Variants in FHIT observed in about 807,000 individuals in gnomAD.
FHIT encodes the protein fragile histidine triad diadenosine triphosphatase.
A neutral mutation model predicts 17.9 loss-of-function variants in FHIT; 19 were observed. That is an observed-to-expected ratio of 1.06 (90% CI 0.74 to 1.56). The LOEUF (loss-of-function observed/expected upper bound fraction) is 1.56, where lower values mean the gene tolerates loss of function less well. Among genes scored for constraint, FHIT ranks in the 40% most tolerant of loss-of-function variants. The probability of loss-of-function intolerance (pLI) is 0.00; values close to 1 mark genes in which losing one functional copy is unlikely to be tolerated. For synonymous variants in FHIT, 81 were observed against 69.7 expected (o/e 1.16, Z -0.81); for missense variants, 248 against 189.2 (o/e 1.31, Z -1.82).
At chr3:59,948,835 GT>G (rs113121652) in intron 7 of FHIT, among the ~76,000 whole-genome samples, 308 of 148,044 alleles carry the variant, frequency 2.1e-3, no homozygotes, top group African/African-American at 7.0e-3. Context: ...CTATCATAAA[GT>G]TTTTTTTTTC....
chr3:60,369,303 G>C (rs981317596), intron 5 of FHIT, among the ~76,000 whole-genome samples: 1 of 152,010 alleles, frequency 6.6e-6, no homozygotes, highest in African/African-American at 2.4e-5. Flanking sequence ...ATTTCTATTT[G>C]ATTTTTATAG....
At chr3:60,627,856 G>C (rs2039333965) in intron 4 of FHIT, among the ~76,000 whole-genome samples, 1 of 152,138 alleles carries the variant, frequency 6.6e-6, no homozygotes, top group Admixed American at 6.5e-5. Context: ...TTAATAATTT[G>C]AGTCTTCTTT....
intron 5 of FHIT, among the ~76,000 whole-genome samples, chr3:60,284,084 G>T (rs899618741): frequency 6.6e-6 from 1 of 151,966 alleles, no homozygotes; most frequent in Non-Finnish European, 1.5e-5. Context: ...AAAAAGATAG[G>T]TTTAGTAGAA....
intron 4 of FHIT, among the ~76,000 whole-genome samples, chr3:60,559,276 C>A (rs1576877425): frequency 6.6e-6 from 1 of 152,146 alleles, no homozygotes; most frequent in South Asian, 2.1e-4. Context: ...TAGAGGCATG[C>A]ATTTCTATAA....
At chr3:60,842,641 A>G (rs1385414861) in intron 3 of FHIT, among the ~76,000 whole-genome samples, 1 of 47,214 alleles carries the variant, frequency 2.1e-5, no homozygotes, top group Non-Finnish European at 4.8e-5. Flanking sequence ...ATATATATAT[A>G]TATATTTTTT....
chr3:60,022,870 T>C (rs961822159), intron 5 of FHIT, among the ~76,000 whole-genome samples: 31 of 152,208 alleles, frequency 2.0e-4, no homozygotes, highest in Non-Finnish European at 2.9e-5. Context: ...TAGAAGTCAT[T>C]TCTGGGACTT....
chr3:60,544,343 G>T (rs1244154958), intron 4 of FHIT, among the ~76,000 whole-genome samples: 2 of 151,452 alleles, frequency 1.3e-5, no homozygotes, highest in Non-Finnish European at 1.5e-5. Context: ...GTTTTCTAAG[G>T]GTTGATACCT....
chr3:60,872,228 A>C (rs868990640), intron 3 of FHIT, among the ~76,000 whole-genome samples: 1 of 152,136 alleles, frequency 6.6e-6, no homozygotes, highest in African/African-American at 2.4e-5. Flanking sequence ...TTCTTTTGAT[A>C]TCTCATGAGC....
chr3:59,861,268 G>A (rs944020327), intron 8 of FHIT, among the ~76,000 whole-genome samples: 3 of 152,132 alleles, frequency 2.0e-5, no homozygotes, highest in African/African-American at 7.2e-5. Flanking sequence ...TGAGGGTGAG[G>A]AAGATTGAGA....
Position 60,484,108 on chromosome 3 carries a change from A to G in FHIT, c.103+52752T>C, listed in dbSNP as rs550529336. 2.1e-3 allele frequency among the ~76,000 whole-genome samples: 322 copies of G among 152,102 alleles called. 2 individuals carry two copies. Among genetic ancestry groups the G allele is most frequent in the African/African-American group, 7.5e-3 (312 of 41,516 alleles). On this transcript the variant is annotated intron_variant, in intron 5 of 9. Coordinates refer to ENST00000492590, the MANE Select transcript of FHIT (RefSeq NM_002012.4). ...TACAAAGAGAATAAATACCTAGGAA[A>G]ACAGCTAACAGGGGATGTGAAGGAC...
chr3:59,920,988 A>T (rs186675704), intron 8 of FHIT, among the ~76,000 whole-genome samples: 1 of 152,162 alleles, frequency 6.6e-6, no homozygotes, highest in African/African-American at 2.4e-5. Flanking sequence ...AATCTACTTG[A>T]TCAGAATCTC....
At chr3:60,356,217 C>T (rs894758976) in intron 5 of FHIT, among the ~76,000 whole-genome samples, 8 of 152,172 alleles carry the variant, frequency 5.3e-5, no homozygotes, top group Non-Finnish European at 7.4e-5. Flanking sequence ...TATAACAACG[C>T]TGCAAAAGTA....
intron 4 of FHIT, among the ~76,000 whole-genome samples, chr3:60,695,640 C>T (rs1174021204): frequency 1.3e-5 from 2 of 152,126 alleles, no homozygotes; most frequent in African/African-American, 4.8e-5. Flanking sequence ...AAGCTTGTAG[C>T]AGAGTGCCTA....
intron 5 of FHIT, among the ~76,000 whole-genome samples, chr3:60,492,933 G>C (rs553106428): frequency 2.6e-4 from 39 of 152,252 alleles, no homozygotes; most frequent in African/African-American, 9.4e-4. Context: ...CTATGTGCCA[G>C]TTAATCTTTA....
At chr3:61,050,742 T>C (rs2033994272) in intron 2 of FHIT, among the ~76,000 whole-genome samples, 1 of 152,242 alleles carries the variant, frequency 6.6e-6, no homozygotes, top group Non-Finnish European at 1.5e-5. Context: ...TTCATTATGC[T>C]ATTAGTTCTA....
intron 4 of FHIT, among the ~76,000 whole-genome samples, chr3:60,582,087 C>G (rs1321208583): frequency 6.6e-6 from 1 of 151,988 alleles, no homozygotes; most frequent in Non-Finnish European, 1.5e-5. Context: ...TGGCTGGAGG[C>G]TGCACTTTGG....
At chr3:60,628,087 CTA>C (rs1459475404) in intron 4 of FHIT, among the ~76,000 whole-genome samples, 1 of 152,130 alleles carries the variant, frequency 6.6e-6, no homozygotes, top group African/African-American at 2.4e-5. Flanking sequence ...GGTACTTAAG[CTA>C]TATGTTTCCC....
chr3:60,573,967 A>C (rs766893938), intron 4 of FHIT, among the ~76,000 whole-genome samples: 13 of 151,824 alleles, frequency 8.6e-5, no homozygotes, highest in Non-Finnish European at 1.8e-4. Flanking sequence ...GCACCACCAC[A>C]CCTGGATAAT....
intron 7 of FHIT, among the ~76,000 whole-genome samples, chr3:59,997,768 T>C (rs911997126): frequency 6.6e-6 from 1 of 152,140 alleles, no homozygotes; most frequent in African/African-American, 2.4e-5. Flanking sequence ...CTGAGTATAA[T>C]CAATTAGGTT....
Sources: gnomAD v4.1 joint callset for allele counts (sites outside exome capture counted in the v4.1 genomes callset) on GRCh38, gnomAD v4.1.1 for gene constraint, MANE v1.5 for transcripts, NCBI Gene and HGNC (gene_info 2026-07-23, HGNC 2026-07-21) for gene names.